Variants in ULK4 observed in about 807,000 individuals in gnomAD.
The protein encoded by ULK4 is unc-51 like kinase 4, also known as inactive serine/threonine-protein kinase ULK4.
In ULK4, 133 loss-of-function variants were observed where a neutral mutation model predicts 160.6. The ratio of observed to expected loss-of-function variants is 0.83; its 90% CI spans 0.72 to 0.96. The LOEUF is 0.96. Among genes scored for constraint, ULK4 ranks in the 40% least tolerant of loss-of-function variants. The pLI is 0.00. For synonymous variants in ULK4, 534 were observed against 539.8 expected (o/e 0.99, Z 0.15); for missense variants, 1,580 against 1,499.5 (o/e 1.05, Z -0.89).
intron 17 of ULK4, among the ~76,000 whole-genome samples, chr3:41,844,258 C>T (rs552118412): frequency 1.3e-5 from 2 of 152,170 alleles, no homozygotes; most frequent in South Asian, 4.2e-4. Context: ...CACAGGAGCC[C>T]GCGGAGGGGG....
At chr3:41,505,570 A>T (rs189970507) in intron 32 of ULK4, among the ~76,000 whole-genome samples, 1 of 152,234 alleles carries the variant, frequency 6.6e-6, no homozygotes, top group Admixed American at 6.5e-5. Flanking sequence ...CTATAAATTA[A>T]ATCATCTTTA....
At chr3:41,847,620 T>TA (rs1429986986) in intron 17 of ULK4, among the ~76,000 whole-genome samples, 1 of 152,242 alleles carries the variant, frequency 6.6e-6, no homozygotes, top group East Asian at 1.9e-4. Context: ...TTCTATTTGA[T>TA]ACCACTTTGC....
chr3:41,515,745 G>A (rs531075030), intron 32 of ULK4, among the ~76,000 whole-genome samples: 7 of 152,308 alleles, frequency 4.6e-5, no homozygotes, highest in African/African-American at 1.7e-4. Flanking sequence ...CCATGATCCA[G>A]TTACTTCCAC....
chr3:41,407,925 T>C (rs1038755716), intron 34 of ULK4, among the ~76,000 whole-genome samples: 5 of 152,126 alleles, frequency 3.3e-5, no homozygotes, highest in African/African-American at 4.8e-5. Context: ...TATAATCTTA[T>C]ACACAGAAAA....
At chr3:41,755,364 A>ATG (rs2038765733) in intron 21 of ULK4, among the ~76,000 whole-genome samples, 4 of 152,180 alleles carry the variant, frequency 2.6e-5, no homozygotes, top group African/African-American at 9.7e-5. Context: ...AGTCATGTAT[A>ATG]TGCCATGTAA....
intron 34 of ULK4, among the ~76,000 whole-genome samples, chr3:41,409,579 A>G (rs999507623): frequency 2.0e-5 from 3 of 152,348 alleles, no homozygotes; most frequent in African/African-American, 7.2e-5. Context: ...ACTTTAACAG[A>G]TATTTCTCCA....
chr3:41,403,144 T>C (rs1206886049), intron 34 of ULK4, among the ~76,000 whole-genome samples: 1 of 146,006 alleles, frequency 6.8e-6, no homozygotes, highest in Non-Finnish European at 1.5e-5. Context: ...GAGTGAAAAC[T>C]CCGTCTCAAA....
intron 17 of ULK4, among the ~76,000 whole-genome samples, chr3:41,839,132 G>A (rs1026232632): frequency 6.6e-6 from 1 of 152,030 alleles, no homozygotes; most frequent in Non-Finnish European, 1.5e-5. Context: ...GGTGGATCAT[G>A]AGCTCAGGAG....
chr3:41,389,314 G>T (rs199760897), intron 35 of ULK4, among the ~76,000 whole-genome samples: 10 of 152,148 alleles, frequency 6.6e-5, no homozygotes, highest in Non-Finnish European at 8.8e-5. Context: ...ATGTCATCTG[G>T]AAACAGGGAC....
At chr3:41,450,103 C>A (rs2083392682) in intron 34 of ULK4, among the ~76,000 whole-genome samples, 1 of 151,856 alleles carries the variant, frequency 6.6e-6, no homozygotes, top group Non-Finnish European at 1.5e-5. Context: ...CAGGCTGTAG[C>A]ATCATTTCTT....
chr3:41,616,609 C>T (rs1232019983), intron 30 of ULK4, among the ~76,000 whole-genome samples: 2 of 152,296 alleles, frequency 1.3e-5, no homozygotes, highest in African/African-American at 4.8e-5. Flanking sequence ...GGTTACTACG[C>T]TTTTCCCACG....
At chr3:41,253,781 T>C (rs1286131307) in intron 35 of ULK4, among the ~76,000 whole-genome samples, 1 of 152,072 alleles carries the variant, frequency 6.6e-6, no homozygotes, top group Non-Finnish European at 1.5e-5. Flanking sequence ...AATTCAAATA[T>C]AATGAGATAG....
At chr3:41,388,528 A>G (rs1205867409) in intron 35 of ULK4, among the ~76,000 whole-genome samples, 1 of 152,074 alleles carries the variant, frequency 6.6e-6, no homozygotes, top group Admixed American at 6.6e-5. Flanking sequence ...TAAGTCTTTA[A>G]TCCATCTTGA....
At chr3:41,592,937 C>T (rs752556253) in intron 31 of ULK4, among the ~76,000 whole-genome samples, 1 of 152,118 alleles carries the variant, frequency 6.6e-6, no homozygotes. Flanking sequence ...CTGGGACATC[C>T]TCATGCTTTC....
intron 31 of ULK4, among the ~76,000 whole-genome samples, chr3:41,577,075 C>A (rs1197848047): frequency 6.6e-6 from 1 of 152,144 alleles, no homozygotes; most frequent in Non-Finnish European, 1.5e-5. Context: ...TTGGTACTCA[C>A]AGTTTCAGTT....
intron 35 of ULK4, among the ~76,000 whole-genome samples, chr3:41,335,937 A>G (rs1301491027): frequency 1.3e-5 from 2 of 152,224 alleles, no homozygotes; most frequent in Non-Finnish European, 2.9e-5. Context: ...AAACAGGTTA[A>G]ACACAGGAAA....
intron 30 of ULK4, among the ~76,000 whole-genome samples, chr3:41,649,554 G>A (rs752379125): frequency 9.2e-5 from 14 of 152,220 alleles, no homozygotes; most frequent in Non-Finnish European, 1.6e-4. Flanking sequence ...GGCCGAGCCT[G>A]GGCACTGTCG....
At chr3:41,827,265 C>A (rs977693131) in intron 18 of ULK4, among the ~76,000 whole-genome samples, 4 of 150,202 alleles carry the variant, frequency 2.7e-5, no homozygotes, top group African/African-American at 9.9e-5. Flanking sequence ...GAAGCAAGAG[C>A]AAACACATTC....
At chr3:41,630,700 A>T (rs970460203) in intron 30 of ULK4, among the ~76,000 whole-genome samples, 1 of 152,212 alleles carries the variant, frequency 6.6e-6, no homozygotes, top group Non-Finnish European at 1.5e-5. Context: ...CTCCAAGGCC[A>T]TCTTGCAGTT....
Sources: allele counts gnomAD v4.1 joint callset (sites outside exome capture counted in the v4.1 genomes callset), GRCh38; gene constraint gnomAD v4.1.1; transcripts MANE v1.5; gene names NCBI Gene and HGNC (gene_info 2026-07-23, HGNC 2026-07-21).